The following MAF variants were observed in gnomAD, a reference collection of about 807,000 sequenced individuals.
MAF encodes the protein MAF bZIP transcription factor.
MAF carries 10 observed loss-of-function variants against 22.0 expected under a neutral mutation model. That is an observed-to-expected ratio of 0.45 (90% CI 0.28 to 0.77). The LOEUF is 0.77. Ranked by LOEUF, MAF falls within the 30% of genes least tolerant of loss-of-function variation. MAF has a pLI of 0.12. For missense variants in MAF, 544 were observed against 548.4 expected (o/e 0.99, Z 0.08); for synonymous variants, 337 against 255.8 (o/e 1.32, Z -3.03).
the MAF span, among the ~76,000 whole-genome samples, chr16:79,405,303 A>G: frequency 6.6e-6 from 1 of 152,196 alleles, no homozygotes; most frequent in Non-Finnish European, 1.5e-5. Flanking sequence ...ACATGGGGAC[A>G]TCACTTCATC....
chr16:79,411,193 C>T, the MAF span, among the ~76,000 whole-genome samples: 1 of 152,066 alleles, frequency 6.6e-6, no homozygotes, highest in African/African-American at 2.4e-5. Context: ...AGTTTTCTCA[C>T]AAGACCTCGA....
the MAF span, among the ~76,000 whole-genome samples, chr16:79,240,141 G>T: frequency 1.3e-5 from 2 of 151,852 alleles, no homozygotes; most frequent in Non-Finnish European, 2.9e-5. Context: ...GTCCCATGGC[G>T]GGGGGTGTAA....
the MAF span, among the ~76,000 whole-genome samples, chr16:79,538,938 C>G: frequency 6.6e-6 from 1 of 151,556 alleles, no homozygotes; most frequent in South Asian, 2.1e-4. Flanking sequence ...AATACAAACA[C>G]TCTTGAAAAA....
chr16:79,494,342 T>A, the MAF span, among the ~76,000 whole-genome samples: 2 of 152,184 alleles, frequency 1.3e-5, no homozygotes, highest in Admixed American at 1.3e-4. Flanking sequence ...GACTGAGGTC[T>A]CTGTTTCCTT....
At chr16:79,517,369 G>C in the MAF span, among the ~76,000 whole-genome samples, 127,466 of 152,162 alleles carry the variant, frequency 0.84, 53,665 homozygotes, top group East Asian at 0.92. Context: ...CTTTGTCATT[G>C]TGCTGTTTCA....
chr16:79,454,020 T>A, the MAF span, among the ~76,000 whole-genome samples: 2 of 152,192 alleles, frequency 1.3e-5, no homozygotes, highest in Admixed American at 6.5e-5. Flanking sequence ...CCAAAATGTA[T>A]TGAGATTCTA....
chr16:79,226,897 G>C, the MAF span, among the ~76,000 whole-genome samples: 1 of 152,080 alleles, frequency 6.6e-6, no homozygotes, highest in Non-Finnish European at 1.5e-5. Context: ...TCCAGTCATG[G>C]AGCCTCCAGA....
the MAF span, among the ~76,000 whole-genome samples, chr16:79,458,674 TG>T: frequency 1.3e-5 from 2 of 152,202 alleles, no homozygotes; most frequent in African/African-American, 4.8e-5. Context: ...GTGGTAATAA[TG>T]GTAAAAATAA....
At chr16:79,464,355 C>T in the MAF span, among the ~76,000 whole-genome samples, 1 of 152,070 alleles carries the variant, frequency 6.6e-6, no homozygotes, top group African/African-American at 2.4e-5. Context: ...TCAGCTACTG[C>T]CCACTCTAGC....
chr16:79,220,255 C>CA, the MAF span, among the ~76,000 whole-genome samples: 43,846 of 93,984 alleles, frequency 0.47, 10,299 homozygotes, highest in East Asian at 0.77. Flanking sequence ...GACTCCATCT[C>CA]AAAAAAAAAA....
the MAF span, among the ~76,000 whole-genome samples, chr16:79,569,040 C>T: frequency 6.6e-6 from 1 of 152,180 alleles, no homozygotes; most frequent in African/African-American, 2.4e-5. Flanking sequence ...CTGAGCACTT[C>T]CTGCCTAAGT....
the MAF span, among the ~76,000 whole-genome samples, chr16:79,223,912 G>A: frequency 2.6e-5 from 4 of 152,138 alleles, no homozygotes; most frequent in Non-Finnish European, 4.4e-5. Flanking sequence ...GGGATTCAAA[G>A]CCAAATTCTA....
At chr16:79,350,328 C>A in the MAF span, among the ~76,000 whole-genome samples, 1 of 152,176 alleles carries the variant, frequency 6.6e-6, no homozygotes, top group Non-Finnish European at 1.5e-5. Flanking sequence ...ATAGAACAAT[C>A]CTTGACCTTA....
chr16:79,324,900 G>A, the MAF span, among the ~76,000 whole-genome samples: 1 of 152,096 alleles, frequency 6.6e-6, no homozygotes, highest in African/African-American at 2.4e-5. Context: ...GAAGGGTCTA[G>A]GGGAGTATCT....
the MAF span, among the ~76,000 whole-genome samples, chr16:79,231,329 T>A: frequency 6.6e-6 from 1 of 152,070 alleles, no homozygotes; most frequent in Non-Finnish European, 1.5e-5. Flanking sequence ...GGGGTAAAAC[T>A]GGAAATGAGC....
At chr16:79,214,404 C>T in the MAF span, among the ~76,000 whole-genome samples, 5 of 152,090 alleles carry the variant, frequency 3.3e-5, no homozygotes, top group South Asian at 2.1e-4. Context: ...ACAATGATCC[C>T]GAGCCACACA....
At chr16:79,346,569 C>T in the MAF span, among the ~76,000 whole-genome samples, 1 of 152,152 alleles carries the variant, frequency 6.6e-6, no homozygotes, top group African/African-American at 2.4e-5. Flanking sequence ...TAGTCTTCAA[C>T]CTCAAGGATA....
chr16:79,597,518 C>A (rs1187164900), intron 1 of MAF: 2 of 1,023,702 alleles, frequency 2.0e-6, no homozygotes, highest in Non-Finnish European at 2.3e-6. Flanking sequence ...TCAATGTTTG[C>A]CAGGTTAAAT....
the MAF span, among the ~76,000 whole-genome samples, chr16:79,420,241 T>C: frequency 2.6e-5 from 4 of 152,206 alleles, no homozygotes; most frequent in East Asian, 5.8e-4. Flanking sequence ...ATCAGTGTTC[T>C]TGTATGGCGA....
Sources: allele counts gnomAD v4.1 joint callset (sites outside exome capture counted in the v4.1 genomes callset), GRCh38; gene constraint gnomAD v4.1.1; transcripts MANE v1.5; gene names NCBI Gene and HGNC (gene_info 2026-07-23, HGNC 2026-07-21).